CSMD1: variants seen among roughly 807,000 people sequenced by gnomAD.
The protein encoded by CSMD1 is CUB and sushi domain-containing protein 1.
A neutral mutation model predicts 417.5 loss-of-function variants in CSMD1; 213 were observed. The observed-to-expected ratio is 0.51, with a 90% CI of 0.46 to 0.57. The LOEUF (loss-of-function observed/expected upper bound fraction) is 0.57. CSMD1 is among the 20% of genes least tolerant of loss of function. The pLI is 0.00. For missense variants in CSMD1, 6,923 were observed against 4,529.7 expected (o/e 1.53, Z -15.17); for synonymous variants, 2,862 against 1,736.8 (o/e 1.65, Z -16.11).
chr8:2,985,639 G>A (rs767896272), intron 54 of CSMD1, among the ~76,000 whole-genome samples: 4 of 152,118 alleles, frequency 2.6e-5, no homozygotes, highest in Non-Finnish European at 5.9e-5. Flanking sequence ...AGTTTAAAGG[G>A]CACTGTTCAA....
chr8:3,686,138 T>C (rs1242225119), intron 7 of CSMD1, among the ~76,000 whole-genome samples: 1 of 151,930 alleles, frequency 6.6e-6, no homozygotes. Context: ...AAACTGTCTA[T>C]GGGACTATTA....
At chr8:4,292,919 G>T (rs997916759) in intron 3 of CSMD1, among the ~76,000 whole-genome samples, 3 of 152,162 alleles carry the variant, frequency 2.0e-5, no homozygotes, top group Non-Finnish European at 2.9e-5. Flanking sequence ...CAAATTCATG[G>T]ATAGTATTAA....
chr8:4,241,208 T>C (rs138641972), intron 3 of CSMD1, among the ~76,000 whole-genome samples: 2 of 152,186 alleles, frequency 1.3e-5, no homozygotes, highest in African/African-American at 2.4e-5. Flanking sequence ...ACAAAGTCCA[T>C]GACTTGTAGC....
chr8:4,319,247 C>A (rs13252293), intron 3 of CSMD1, among the ~76,000 whole-genome samples: 150,718 of 152,246 alleles, frequency 0.99, 74,612 homozygotes, highest in East Asian at 1. Context: ...TCATTTTTCC[C>A]TTTTGCTTTC....
chr8:3,791,693 G>C (rs1282928945), intron 5 of CSMD1, among the ~76,000 whole-genome samples: 1 of 152,008 alleles, frequency 6.6e-6, no homozygotes, highest in Non-Finnish European at 1.5e-5. Context: ...CACGATGGTG[G>C]GTACCTGTAA....
At chr8:4,195,127 G>GA (rs1563254374) in intron 3 of CSMD1, among the ~76,000 whole-genome samples, 3 of 152,152 alleles carry the variant, frequency 2.0e-5, no homozygotes, top group African/African-American at 7.2e-5. Context: ...CATTTTAAAG[G>GA]AAAAATTCTA....
At chr8:3,621,135 C>G (rs984814080) in intron 7 of CSMD1, among the ~76,000 whole-genome samples, 1 of 152,134 alleles carries the variant, frequency 6.6e-6, no homozygotes, top group Non-Finnish European at 1.5e-5. Flanking sequence ...CAACCCTGCC[C>G]AAACCTTGAT....
intron 3 of CSMD1, among the ~76,000 whole-genome samples, chr8:4,115,402 A>G (rs1802080803): frequency 1.3e-5 from 2 of 152,250 alleles, no homozygotes; most frequent in Non-Finnish European, 1.5e-5. Context: ...CACTAAGCCA[A>G]CATATTCCTA....
chr8:3,559,451 C>G (rs74816686), intron 10 of CSMD1, among the ~76,000 whole-genome samples: 7,832 of 152,112 alleles, frequency 0.051, 279 homozygotes, highest in Non-Finnish European at 0.08. Context: ...TGCCAAGCAA[C>G]CTGTAAATGT....
At chr8:4,597,447 G>A (rs148672426) in intron 2 of CSMD1, among the ~76,000 whole-genome samples, 11 of 152,102 alleles carry the variant, frequency 7.2e-5, no homozygotes, top group Non-Finnish European at 1.3e-4. Context: ...TCTTGTAAAC[G>A]AATGCTTTGA....
chr8:4,089,380 G>T (rs984598121), intron 3 of CSMD1, among the ~76,000 whole-genome samples: 1 of 152,142 alleles, frequency 6.6e-6, no homozygotes, highest in East Asian at 1.9e-4. Flanking sequence ...ATTTTCAGAG[G>T]TTCTCTGAGA....
chr8:3,437,817 G>A (rs557120847), intron 12 of CSMD1, among the ~76,000 whole-genome samples: 8 of 151,070 alleles, frequency 5.3e-5, no homozygotes, highest in South Asian at 2.1e-4. Flanking sequence ...GCACAATCTC[G>A]GCTCACTGCA....
At chr8:3,373,389 CT>C (rs2116728470) in intron 18 of CSMD1, 2 of 152,252 alleles carry the variant, frequency 1.3e-5, no homozygotes, top group South Asian at 4.1e-4. Context: ...TGCTCTCAGG[CT>C]TGTTTAGATT....
intron 5 of CSMD1, among the ~76,000 whole-genome samples, chr8:3,893,963 C>A (rs1435378532): frequency 1.3e-5 from 2 of 152,072 alleles, no homozygotes; most frequent in Non-Finnish European, 1.5e-5. Context: ...CCACCCAGAA[C>A]TTGCTTACTG....
At chr8:4,852,281 C>T (rs1801525198) in intron 1 of CSMD1, among the ~76,000 whole-genome samples, 1 of 152,090 alleles carries the variant, frequency 6.6e-6, no homozygotes, top group African/African-American at 2.4e-5. Flanking sequence ...GTGGGAGGTG[C>T]TGGGGTTGTG....
intron 5 of CSMD1, among the ~76,000 whole-genome samples, chr8:3,930,706 G>A (rs1451391942): frequency 6.7e-6 from 1 of 150,198 alleles, no homozygotes; most frequent in Non-Finnish European, 1.5e-5. Context: ...TCTGCAGAAA[G>A]GAAAAAAATG....
Position 3,927,695 on chromosome 8 carries a change from C to G in CSMD1, c.818+70208G>C, listed in dbSNP as rs562618785. Among the ~76,000 whole-genome samples, 13 of 151,926 alleles carry G rather than the reference C, an allele frequency of 8.6e-5. No individual in the cohort carries two copies. In the East Asian group the frequency reaches 1.5e-3, roughly 18 times the overall value. The stretch of plus-strand genomic sequence containing the variant: ...TCTCAAAATAGAAAAGAAAAGAAAA[C>G]AATTAATATTTTCTTTACCTTTGTT... On this transcript the variant is annotated intron_variant, in intron 5 of 69. Transcript: ENST00000635120.
intron 21 of CSMD1, 105 bp downstream of exon 21, chr8:3,359,047 T>C: frequency 9.5e-7 from 1 of 1,053,796 alleles, no homozygotes; most frequent in Non-Finnish European, 1.4e-6. Flanking sequence ...CACCCTCTCC[T>C]TCCTTGTCAA....
At chr8:3,015,137 T>C (rs1248983510) in intron 52 of CSMD1, among the ~76,000 whole-genome samples, 1 of 151,996 alleles carries the variant, frequency 6.6e-6, no homozygotes, top group Non-Finnish European at 1.5e-5. Context: ...TCCATTTTCA[T>C]ACCAGTTTCA....
Sources: allele counts gnomAD v4.1 joint callset (sites outside exome capture counted in the v4.1 genomes callset), GRCh38; gene constraint gnomAD v4.1.1; transcripts MANE v1.5; gene names NCBI Gene and HGNC (gene_info 2026-07-23, HGNC 2026-07-21).